The following ZNF197 variants were observed in gnomAD, a reference collection of about 807,000 sequenced individuals.
The protein encoded by ZNF197 is VHL-associated KRAB-A domain-containing protein.
ZNF197 carries 14 observed loss-of-function variants against 27.4 expected under a neutral mutation model. The observed-to-expected ratio is 0.51, with a 90% confidence interval of 0.34 to 0.80. The LOEUF (loss-of-function observed/expected upper bound fraction) is 0.80. Ranked by LOEUF, ZNF197 falls within the 30% of genes least tolerant of loss-of-function variation. The probability of loss-of-function intolerance (pLI) is 0.02; values close to 1 mark genes in which losing one functional copy is unlikely to be tolerated. For missense variants in ZNF197, 1,090 were observed against 1,222.6 expected, an observed-to-expected ratio of 0.89 and a Z score of 1.62; for synonymous variants, 415 against 420.0, an observed-to-expected ratio of 0.99 and a Z score of 0.15.
At position 44,632,190 on chromosome 3, in the gene ZNF197, G is replaced by A; in HGVS notation, c.636G>A (p.Gln212=). 1 of 1,614,106 alleles carries A rather than the reference G, an allele frequency of 6.2e-7. No homozygotes were observed. Among genetic ancestry groups the A allele is most frequent in the South Asian group, 1.1e-5 (1 of 91,078 alleles). The change falls in exon 4 of 6, where the codon CAG becomes CAA. Residue 212 remains glutamine, a synonymous_variant. Transcript: ENST00000344387. ...TGGCACTTATGCTCCTAACAGCCCA[G>A]CCCCAGGTAAGGTTTGCATCCTCTT... The part of the protein sequence containing the change: ...QLMALMLLTA[Q]PQELVMFEEV...
At position 44,632,559 on chromosome 3, in the gene ZNF197, G is replaced by C; in HGVS notation, c.729G>C (p.Trp243Cys). 1.3e-6 allele frequency: 2 copies of C among 1,599,622 alleles called. No individual in the cohort carries two copies. Among genetic ancestry groups the C allele is most frequent in the Non-Finnish European group, 1.7e-6 (2 of 1,172,460 alleles). The change falls in exon 5 of 6, where the codon TGG (tryptophan) becomes TGC (cysteine). Residue 243 changes from tryptophan (W) to cysteine (C), a missense_variant. Transcript: ENST00000344387. ...CLGPIQRALY[W>C]DVMLENYGNV... ...GCCCAATCCAGAGGGCCTTGTACTGGGATGTGATGCTGGAGAATTATGGAA... is the reference window on the plus strand; with the variant it reads ...GCCCAATCCAGAGGGCCTTGTACTGCGATGTGATGCTGGAGAATTATGGAA...
Position 44,645,404 on chromosome 3 carries a change from G to A in ZNF197, c.*1184G>A, listed in dbSNP as rs1702900306. Reference sequence around the variant, plus strand: ...GGTGAATAGCTAACTGGAATTTAGTGTTCTAAGAATAATTTTGTTAAATTT... The same window carrying A: ...GGTGAATAGCTAACTGGAATTTAGTATTCTAAGAATAATTTTGTTAAATTT... On this transcript the variant is annotated 3_prime_UTR_variant, in exon 6 of 6. Transcript: ENST00000344387. The A allele has an allele frequency of 1.0e-6, 1 of 985,228 alleles. No homozygotes were observed. The highest frequency in any genetic ancestry group is 1.2e-6 in the Non-Finnish European group (1 of 829,860). 61.0% of individuals were successfully genotyped at this position (985,228 alleles called of 1,614,324 possible).
At position 44,632,581 on chromosome 3, in the gene ZNF197, G is replaced by A. The variant is rs1256978447; in HGVS notation, c.751G>A (p.Gly251Arg). 6.3e-7 allele frequency: 1 copy of A among 1,583,924 alleles called. No homozygotes were observed. Residue 251 changes from glycine to arginine, a missense_variant, in exon 5 of 6, where the codon GGA becomes AGA. Physicochemically the swap from Gly to Arg is moderately radical, Grantham distance 125. Transcript: ENST00000344387. ...LYWDVMLENY[G>R]NVTSLEWETM... The stretch of plus-strand genomic sequence containing the variant: ...CTGGGATGTGATGCTGGAGAATTAT[G>A]GAAATGTGACCTCCCTAGGTAAGGA...
At chr3:44,629,793 C>T (rs1701879801) in intron 2 of ZNF197, among the ~76,000 whole-genome samples, 1 of 152,162 alleles carries the variant, frequency 6.6e-6, no homozygotes, top group African/African-American at 2.4e-5. Flanking sequence ...CTGTTTTGTC[C>T]CTTGGGTAAT....
chr3:44,643,984 C>T lies in ZNF197; in HGVS notation c.2854C>T (p.His952Tyr). Residue 952 changes from histidine to tyrosine, a missense_variant, in exon 6 of 6, where the codon CAC (histidine) becomes TAC (tyrosine). Transcript: ENST00000344387. ...GAATTTAGTTGGCCACCAGAGAATT[C>T]ACACAGGGGAGAAACCCTATGGGTG... is the stretch of plus-strand genomic sequence containing the variant. ...KRNLVGHQRI[H>Y]TGEKPYGCND... 6.2e-7 allele frequency: 1 copy of T among 1,614,136 alleles called. No individual in the cohort carries two copies. Among genetic ancestry groups the T allele is most frequent in the Non-Finnish European group, 8.5e-7 (1 of 1,180,020 alleles).
Position 44,629,152 on chromosome 3 carries a change from A to G in ZNF197, c.-3A>G, listed in dbSNP as rs758942614. ...GGAGAGGAGCCTTTTTCAAAAAACA[A>G]CAATGACAAGAGAAAATGTAGCCCA... On this transcript the variant is annotated 5_prime_UTR_variant, in exon 2 of 6. Transcript: ENST00000344387. 1.1e-5 allele frequency: 17 copies of G among 1,600,470 alleles called. No homozygotes were observed. The highest frequency in any genetic ancestry group is 1.4e-5 in the Non-Finnish European group (16 of 1,175,786).
chr3:44,644,031 T>C lies in ZNF197; in HGVS notation c.2901T>C (p.Phe967=). Residue 967 remains phenylalanine, a synonymous_variant, in exon 6 of 6, where the codon TTT becomes TTC. Coordinates refer to ENST00000344387, the MANE Select transcript of ZNF197 (RefSeq NM_006991.5). ...GGTGTAATGATTGTAGTAAAGTTTTTAGGCAAAGAAAAAACCTTACTGTAC... is the reference window on the plus strand; with the variant it reads ...GGTGTAATGATTGTAGTAAAGTTTTCAGGCAAAGAAAAAACCTTACTGTAC... The part of the protein sequence containing the change: ...PYGCNDCSKV[F]RQRKNLTVHQ... 6.2e-7 allele frequency: 1 copy of C among 1,614,002 alleles called. No homozygotes were observed. The highest frequency in any genetic ancestry group is 2.2e-5 in the East Asian group (1 of 44,874).
At position 44,642,429 on chromosome 3, in the gene ZNF197, A is replaced by G. The variant is rs1045689798; in HGVS notation, c.1299A>G (p.Lys433=). ...EKPYKCNECG[K]AFSQSAYLLN... is the part of the protein sequence containing the mutation. ...CTTATAAATGTAATGAATGTGGGAA[A>G]GCATTTTCTCAAAGTGCTTACCTTC... Residue 433 remains lysine, a synonymous_variant, in exon 6 of 6, where the codon AAA becomes AAG. Coordinates refer to ENST00000344387, the MANE Select transcript of ZNF197 (RefSeq NM_006991.5). The G allele has an allele frequency of 6.2e-7, 1 of 1,614,046 alleles. No homozygotes were observed. The highest frequency in any genetic ancestry group is 1.3e-5 in the African/African-American group (1 of 74,938).
intron 1 of ZNF197, among the ~76,000 whole-genome samples, chr3:44,627,684 A>G (rs1385372465): frequency 6.6e-6 from 1 of 151,852 alleles, no homozygotes; most frequent in Non-Finnish European, 1.5e-5. Flanking sequence ...TACAAAAATT[A>G]CCTGGGCATG....
At position 44,644,456 on chromosome 3, in the gene ZNF197, T is replaced by C; in HGVS notation, c.*236T>C. On this transcript the variant is annotated 3_prime_UTR_variant, in exon 6 of 6. Transcript: ENST00000344387. ...GATTTTGAGACCAGCCTGACCAACA[T>C]GGTGAAACCCCATCTCTACTAAAAT... 9.9e-7 allele frequency: 1 copy of C among 1,009,616 alleles called. No individual in the cohort carries two copies. Among genetic ancestry groups the C allele is most frequent in the Non-Finnish European group, 1.3e-6 (1 of 789,754 alleles). The allele number at this position is 1,009,616 out of a possible 1,614,324, so 62.5% of individuals were successfully genotyped here.
rs1031458625 is a variant in ZNF197, at chr3:44,629,337, C to T, written c.183C>T (p.Ser61=). 1.9e-6 allele frequency: 3 copies of T among 1,614,056 alleles called. No homozygotes were observed. Among genetic ancestry groups the T allele is most frequent in the Non-Finnish European group, 2.5e-6 (3 of 1,180,048 alleles). The change falls in exon 2 of 6, where the codon AGC becomes AGT. Residue 61 remains serine, a synonymous_variant. Transcript: ENST00000344387. The part of the protein sequence containing the change: ...HETSGPQEAL[S]RLRELCRRWL... ...CATCTGGACCCCAGGAAGCCCTGAG[C>T]CGGCTCAGGGAACTCTGTCGCCGGT...
rs1702887826 is a variant in ZNF197 at position 44,645,234 on chromosome 3, C to A, written c.*1014C>A. 35 of 985,214 alleles carry A rather than the reference C, an allele frequency of 3.6e-5. No individual in the cohort carries two copies. Among genetic ancestry groups the A allele is most frequent in the Non-Finnish European group, 4.0e-5 (33 of 829,798 alleles). 61.0% of individuals were successfully genotyped at this position (985,214 alleles called of 1,614,324 possible). ...TCTTTGTGAAAGTACTTTTTGAAAT[C>A]ATTCAGTTGTCAATAAAGTTGGATA... On this transcript the variant is annotated 3_prime_UTR_variant, in exon 6 of 6. Coordinates refer to ENST00000344387, the MANE Select transcript of ZNF197 (RefSeq NM_006991.5).
In ZNF197 at chr3:44,640,446, C is replaced by T. The variant is rs1251970725; in HGVS notation, c.770-1454C>T. Among the ~76,000 whole-genome samples the T allele has an allele frequency of 4.6e-5, 7 of 151,584 alleles. No individual in the cohort carries two copies. The highest frequency in any genetic ancestry group is 1.0e-4 in the Non-Finnish European group (7 of 67,886). On this transcript the variant is annotated intron_variant, in intron 5 of 5. Transcript: ENST00000344387. The surrounding 1 kb of genome is among the most constrained non-coding windows in gnomAD (Gnocchi z 4.0). ...AGGCTGGAATGCAGTGGTGTGATCTCGGCTCACTGCAACCTCTACCTCCCT... is the reference window on the plus strand; with the variant it reads ...AGGCTGGAATGCAGTGGTGTGATCTTGGCTCACTGCAACCTCTACCTCCCT...
chr3:44,631,322 A>G, intron 3 of ZNF197, 101 bp downstream of exon 3: 1 of 1,405,558 alleles, frequency 7.1e-7, no homozygotes, highest in Non-Finnish European at 9.7e-7. Flanking sequence ...CCTGTCTAGG[A>G]GTCTCTTACA....
chr3:44,645,210 CTT>C lies in ZNF197; in HGVS notation c.*992_*993del. The C allele has an allele frequency of 2.0e-6, 2 of 983,802 alleles. No individual in the cohort carries two copies. Among genetic ancestry groups the C allele is most frequent in the Non-Finnish European group, 2.4e-6 (2 of 828,512 alleles). The allele number at this position is 983,802 out of a possible 1,614,324, so 60.9% of individuals were successfully genotyped here. A position where few individuals can be genotyped will look rare whatever the true frequency, so the allele number is the denominator to read the frequency against. ...TGTTGTGAGGGTTAAGTGAAAGGAT[CTT>C]TGTGAAAGTACTTTTTGAAATCATT... On this transcript the variant is annotated 3_prime_UTR_variant, in exon 6 of 6. Transcript: ENST00000344387.
chr3:44,635,330 C>A (rs1702225519), intron 5 of ZNF197, among the ~76,000 whole-genome samples: 1 of 152,136 alleles, frequency 6.6e-6, no homozygotes, highest in South Asian at 2.1e-4. Flanking sequence ...TTCCCATTGA[C>A]TTAGTAACTC....
chr3:44,643,057 C>T lies in ZNF197; in HGVS notation c.1927C>T (p.Leu643Phe). The T allele has an allele frequency of 6.2e-7, 1 of 1,614,024 alleles. No homozygotes were observed. Among genetic ancestry groups the T allele is most frequent in the Non-Finnish European group, 8.5e-7 (1 of 1,179,990 alleles). ...TGCTTACCTTTTTGACCACCAGAGACTCCACAATGGGGAGAAGCCCTATGA... is the reference window on the plus strand; with the variant it reads ...TGCTTACCTTTTTGACCACCAGAGATTCCACAATGGGGAGAAGCCCTATGA... ...QSAYLFDHQR[L>F]HNGEKPYECN... Residue 643 changes from leucine (L) to phenylalanine (F), a missense_variant, in exon 6 of 6, where the codon CTC becomes TTC. By Grantham distance (22) the Leu-to-Phe change is conservative. Coordinates refer to ENST00000344387, the MANE Select transcript of ZNF197 (RefSeq NM_006991.5).
At chr3:44,632,412 G>T in intron 4 of ZNF197, 61 bp from the exon 5 acceptor site, 1 of 1,542,676 alleles carries the variant, frequency 6.5e-7, no homozygotes, top group South Asian at 1.3e-5. Context: ...AGAAGTGAAG[G>T]GAACCTTTCG....
rs2125802356 is a variant in ZNF197, at chr3:44,632,565, G to A, written c.735G>A (p.Val245=). The change falls in exon 5 of 6, where the codon GTG becomes GTA. Residue 245 remains valine (V), a synonymous_variant. Coordinates refer to ENST00000344387, the MANE Select transcript of ZNF197 (RefSeq NM_006991.5). ...GPIQRALYWD[V]MLENYGNVTS... Reference sequence around the variant, plus strand: ...TCCAGAGGGCCTTGTACTGGGATGTGATGCTGGAGAATTATGGAAATGTGA... The same window carrying A: ...TCCAGAGGGCCTTGTACTGGGATGTAATGCTGGAGAATTATGGAAATGTGA... The A allele has an allele frequency of 1.3e-6, 2 of 1,594,664 alleles. No individual in the cohort carries two copies. The highest frequency in any genetic ancestry group is 4.5e-5 in the East Asian group (2 of 44,498).
Sources: gnomAD v4.1 joint callset for allele counts (sites outside exome capture counted in the v4.1 genomes callset) on GRCh38, gnomAD v4.1.1 for gene constraint, Gnocchi (gnomAD v3.1) non-coding constraint, MANE v1.5 for transcripts, NCBI Gene and HGNC (gene_info 2026-07-23, HGNC 2026-07-21) for gene names.